ARID2: variants seen among roughly 807,000 people sequenced by gnomAD.
ARID2 encodes AT-rich interactive domain-containing protein 2.
ARID2 carries 32 observed loss-of-function variants against 184.6 expected under a neutral mutation model. The ratio of observed to expected loss-of-function variants is 0.17; its 90% CI spans 0.13 to 0.23. The LOEUF is 0.23. ARID2 is among the 10% of genes least tolerant of loss of function. ARID2 has a pLI of 1.00. For synonymous variants in ARID2, 836 were observed against 772.6 expected (o/e 1.08, Z -1.36); for missense variants, 1,696 against 2,197.6 (o/e 0.77, Z 4.56).
intron 3 of ARID2, among the ~76,000 whole-genome samples, chr12:45,804,484 G>T (rs1205957432): frequency 2.0e-5 from 3 of 151,730 alleles, no homozygotes; most frequent in Non-Finnish European, 1.5e-5. Flanking sequence ...GTGTGCGTGT[G>T]TGTGCGTGTG....
rs1178745234 is a variant in ARID2, at chr12:45,905,082, A to G, written c.*4A>G. On this transcript the variant is annotated 3_prime_UTR_variant, in exon 21 of 21. Transcript: ENST00000334344. ...AGACTCAGAAATGCTGCAGTGAAAA[A>G]TAATTCCACTTACACAGTGGGGGAC... 6.2e-7 allele frequency: 1 copy of G among 1,612,738 alleles called. No homozygotes were observed. Among genetic ancestry groups the G allele is most frequent in the South Asian group, 1.1e-5 (1 of 90,850 alleles).
At chr12:45,797,745 A>G (rs946779253) in intron 3 of ARID2, among the ~76,000 whole-genome samples, 3 of 151,994 alleles carry the variant, frequency 2.0e-5, no homozygotes, top group Non-Finnish European at 4.4e-5. Flanking sequence ...TTTTGCACTA[A>G]TGATTTATCG....
At chr12:45,750,519 G>T (rs573121677) in intron 3 of ARID2, among the ~76,000 whole-genome samples, 1 of 152,052 alleles carries the variant, frequency 6.6e-6, no homozygotes, top group African/African-American at 2.4e-5. Flanking sequence ...CCTTCAATTG[G>T]TTTTAAAAAA....
At chr12:45,874,877 AC>A (rs1943985256) in intron 16 of ARID2, among the ~76,000 whole-genome samples, 1 of 152,246 alleles carries the variant, frequency 6.6e-6, no homozygotes, top group South Asian at 2.1e-4. Context: ...TAATCTCAAC[AC>A]TTTGGAAGGC....
intron 3 of ARID2, among the ~76,000 whole-genome samples, chr12:45,739,357 G>T (rs1327556744): frequency 6.8e-6 from 1 of 146,660 alleles, no homozygotes; most frequent in Non-Finnish European, 1.5e-5. Flanking sequence ...TATATTCCAT[G>T]TTCCAGGTGT....
intron 16 of ARID2, among the ~76,000 whole-genome samples, chr12:45,863,335 T>G (rs1457781548): frequency 6.6e-6 from 1 of 152,238 alleles, no homozygotes; most frequent in Admixed American, 6.5e-5. Context: ...TATTCATATT[T>G]AGTTCCAGTT....
chr12:45,886,473 G>A (rs1201814666), intron 16 of ARID2, among the ~76,000 whole-genome samples: 2 of 152,218 alleles, frequency 1.3e-5, no homozygotes, highest in Non-Finnish European at 2.9e-5. Flanking sequence ...CCATTCTGGG[G>A]TCTGGAGGAT....
chr12:45,768,211 AT>A (rs573424978), intron 3 of ARID2, among the ~76,000 whole-genome samples: 25 of 147,148 alleles, frequency 1.7e-4, no homozygotes, highest in Non-Finnish European at 1.5e-4. Flanking sequence ...GGATATCAAG[AT>A]TTTTTTTTTT....
intron 15 of ARID2, among the ~76,000 whole-genome samples, chr12:45,855,312 T>C (rs561281277): frequency 6.6e-6 from 1 of 152,244 alleles, no homozygotes; most frequent in Non-Finnish European, 1.5e-5. Flanking sequence ...GTATTAAACT[T>C]TCTTACATTC....
intron 15 of ARID2, among the ~76,000 whole-genome samples, chr12:45,853,323 T>C (rs1409918224): frequency 3.3e-5 from 5 of 152,190 alleles, no homozygotes; most frequent in Admixed American, 6.5e-5. Context: ...ACTGTTGTAA[T>C]AAGGATGAAT....
intron 2 of ARID2, 115 bp from the exon 3 acceptor site, chr12:45,731,102 C>T: frequency 1.4e-6 from 1 of 734,226 alleles, no homozygotes; most frequent in Non-Finnish European, 2.4e-6. Context: ...ATCCGAAACA[C>T]CCACTGATGC....
intron 16 of ARID2, among the ~76,000 whole-genome samples, chr12:45,867,516 G>A (rs1404078174): frequency 6.6e-6 from 1 of 151,490 alleles, no homozygotes; most frequent in East Asian, 2.0e-4. Flanking sequence ...GCCGAGGCGG[G>A]CTGATCGTGA....
At chr12:45,757,246 A>C (rs191116488) in intron 3 of ARID2, among the ~76,000 whole-genome samples, 4 of 152,186 alleles carry the variant, frequency 2.6e-5, no homozygotes, top group African/African-American at 9.7e-5. Flanking sequence ...CTTAAATACT[A>C]TTTGGAAAAA....
Position 45,905,071 on chromosome 12 carries a change from T to C in ARID2, c.5501T>C (p.Leu1834Pro). ...GAACAAGAAAAAGACTCAGAAATGC[T>C]GCAGTGAAAAATAATTCCACTTACA... Reference protein sequence around the residue: ...SKEQEKDSEMLQ With the variant: ...SKEQEKDSEMPQ The change falls in exon 21 of 21, where the codon CTG (leucine) becomes CCG (proline). Residue 1834 changes from leucine (L) to proline (P), a missense_variant. Leu to Pro is a moderately conservative substitution (Grantham distance 98). This residue lies in a region of ARID2 where 69 missense variants were observed against 118.2 expected (regional missense o/e 0.58). Transcript: ENST00000334344. 1.2e-6 allele frequency: 2 copies of C among 1,613,242 alleles called. No homozygotes were observed. Among genetic ancestry groups the C allele is most frequent in the Non-Finnish European group, 1.7e-6 (2 of 1,179,644 alleles).
intron 3 of ARID2, among the ~76,000 whole-genome samples, chr12:45,754,192 C>T (rs926571907): frequency 6.6e-5 from 10 of 152,008 alleles, no homozygotes; most frequent in African/African-American, 2.4e-4. Context: ...GTAATAGTAT[C>T]AGGCAAAAAA....
intron 16 of ARID2, among the ~76,000 whole-genome samples, chr12:45,878,147 G>GT (rs1182161001): frequency 6.6e-6 from 1 of 152,010 alleles, no homozygotes; most frequent in South Asian, 2.1e-4. Flanking sequence ...TTCTGTGAAG[G>GT]TTTTTTTCTT....
In ARID2 at chr12:45,852,457, C is replaced by T. The variant is rs2138178963; in HGVS notation, c.4334C>T (p.Thr1445Ile). ...SNAATQQFSG[T>I]DLLNGPLASS... is the part of the protein sequence containing the mutation. ...GCGGCAACACAGCAATTTAGTGGTA[C>T]TGATTTGCTTAATGGACCTCTAGCT... Residue 1445 changes from threonine to isoleucine, a missense_variant, in exon 15 of 21, where the codon ACT becomes ATT. By Grantham distance (89) the Thr-to-Ile change is moderately conservative. This residue lies in a region of ARID2 where 428 missense variants were observed against 409.1 expected (regional missense o/e 1.05). Coordinates refer to ENST00000334344, the MANE Select transcript of ARID2 (RefSeq NM_152641.4). 1.2e-6 allele frequency: 2 copies of T among 1,614,174 alleles called. No individual in the cohort carries two copies. The highest frequency in any genetic ancestry group is 2.2e-5 in the East Asian group (1 of 44,878).
intron 6 of ARID2, among the ~76,000 whole-genome samples, chr12:45,828,946 T>C (rs1406278300): frequency 6.6e-6 from 1 of 152,038 alleles, no homozygotes; most frequent in Non-Finnish European, 1.5e-5. Flanking sequence ...TTAACATCAA[T>C]TTTTCTGGAA....
intron 20 of ARID2, among the ~76,000 whole-genome samples, chr12:45,899,671 TTATATATGG>T (rs1944424749): frequency 4.4e-5 from 2 of 45,124 alleles, no homozygotes; most frequent in African/African-American, 6.1e-5. Flanking sequence ...ATATATATGG[TTATATATGG>T]TTATATATAT....
Sources: gnomAD v4.1 joint callset for allele counts (sites outside exome capture counted in the v4.1 genomes callset) on GRCh38, gnomAD v4.1.1 for gene constraint, gnomAD v4.1.1 regional missense constraint, MANE v1.5 for transcripts, NCBI Gene and HGNC (gene_info 2026-07-23, HGNC 2026-07-21) for gene names.